Variants in VPS45 observed in about 807,000 individuals in gnomAD.
VPS45 encodes the protein vacuolar protein sorting 45 homolog.
A neutral mutation model predicts 75.9 loss-of-function variants in VPS45; 35 were observed. The observed-to-expected ratio is 0.46, with a 90% CI of 0.35 to 0.61. VPS45 has a LOEUF of 0.61. Among genes scored for constraint, VPS45 ranks in the 20% least tolerant of loss-of-function variants. VPS45 has a pLI of 0.00. For synonymous variants in VPS45, 220 were observed against 238.2 expected (o/e 0.92, Z 0.70); for missense variants, 559 against 685.9 (o/e 0.81, Z 2.07).
At chr1:150,107,339 C>T (rs1657386411) in intron 13 of VPS45, among the ~76,000 whole-genome samples, 1 of 152,186 alleles carries the variant, frequency 6.6e-6, no homozygotes, top group African/African-American at 2.4e-5. Context: ...TAAACCACTA[C>T]ACCTAGTTAC....
intron 13 of VPS45, among the ~76,000 whole-genome samples, chr1:150,095,958 T>C (rs1453436219): frequency 6.6e-6 from 1 of 152,140 alleles, no homozygotes; most frequent in East Asian, 1.9e-4. Context: ...GCAGAGAGAC[T>C]ACTGAGGAGA....
chr1:150,076,210 C>T (rs782161642), intron 3 of VPS45, 23 bp from the exon 4 acceptor site: 3 of 1,586,718 alleles, frequency 1.9e-6, no homozygotes, highest in Admixed American at 1.7e-5. Flanking sequence ...TCCTTTGAGT[C>T]AACCCCAACT....
chr1:150,077,353 G>A (rs374975804), intron 6 of VPS45, 122 bp downstream of exon 6: 43 of 1,239,416 alleles, frequency 3.5e-5, no homozygotes, highest in Middle Eastern at 3.9e-4. Flanking sequence ...AGGTTTCCGC[G>A]AAAAGAGGTA....
chr1:150,104,660 C>T (rs1247648402), intron 13 of VPS45, among the ~76,000 whole-genome samples: 3 of 152,108 alleles, frequency 2.0e-5, no homozygotes, highest in African/African-American at 7.2e-5. Context: ...CTGCAGCCTT[C>T]CCAGGCTCAA....
Position 150,076,315 on chromosome 1 carries a change from A to G in VPS45, c.369+3A>G. On this transcript the variant is annotated splice_donor_region_variant and intron_variant, in intron 4 of 14. Transcript: ENST00000644510. ...AGGAAGTTGTGGCTGAGGTTCAGGTAAACATATTGGTCCTGTAACACATCT... is the reference window on the plus strand; with the variant it reads ...AGGAAGTTGTGGCTGAGGTTCAGGTGAACATATTGGTCCTGTAACACATCT... The G allele has an allele frequency of 1.2e-6, 2 of 1,602,614 alleles. No individual in the cohort carries two copies. Among genetic ancestry groups the G allele is most frequent in the Non-Finnish European group, 1.7e-6 (2 of 1,173,232 alleles).
chr1:150,070,636 C>A (rs1398601844), intron 2 of VPS45, among the ~76,000 whole-genome samples: 47 of 141,208 alleles, frequency 3.3e-4, no homozygotes, highest in Non-Finnish European at 4.1e-4. Context: ...ACTAAAAATA[C>A]AAAAAAAAAA....
chr1:150,130,168 A>G (rs1022942297), intron 14 of VPS45, among the ~76,000 whole-genome samples: 2 of 145,836 alleles, frequency 1.4e-5, no homozygotes, highest in East Asian at 2.0e-4. Flanking sequence ...CCCAGCACAC[A>G]TATATATCTA....
At chr1:150,103,524 G>A (rs782212338) in intron 13 of VPS45, among the ~76,000 whole-genome samples, 1 of 152,104 alleles carries the variant, frequency 6.6e-6, no homozygotes, top group Non-Finnish European at 1.5e-5. Context: ...CTGTATCTAG[G>A]TTTTGTCCTT....
rs782807479 is a variant in VPS45, at chr1:150,067,851, C to T, written c.-7C>T. On this transcript the variant is annotated 5_prime_UTR_variant, in exon 1 of 15. Transcript: ENST00000644510. ...AAGGGCTGTAGGGTACTTGTCAATT[C>T]GCCGCCATGAACGTGGTTTTTGCTG... 7 of 1,613,798 alleles carry T rather than the reference C, an allele frequency of 4.3e-6. No individual in the cohort carries two copies. The highest frequency in any genetic ancestry group is 5.9e-6 in the Non-Finnish European group (7 of 1,179,844).
In VPS45 at chr1:150,145,209, T is replaced by C. The variant is rs182444648; in HGVS notation, c.*413T>C. On this transcript the variant is annotated 3_prime_UTR_variant, in exon 15 of 15. Coordinates refer to ENST00000644510, the MANE Select transcript of VPS45 (RefSeq NM_007259.5). ...ACCACATTCCTGCACAACTCATTTCTGAAAACCTACCATGTTTCTTTACAG... is the reference window on the plus strand; with the variant it reads ...ACCACATTCCTGCACAACTCATTTCCGAAAACCTACCATGTTTCTTTACAG... 5.2e-5 allele frequency: 14 copies of C among 267,578 alleles called. No individual in the cohort carries two copies. The highest frequency in any genetic ancestry group is 3.0e-4 in the Admixed American group (6 of 20,144). The allele number at this position is 267,578 out of a possible 1,614,324, so 16.6% of individuals were successfully genotyped here. A position where few individuals can be genotyped will look rare whatever the true frequency, so the allele number is the denominator to read the frequency against.
At chr1:150,078,327 A>C (rs1553798590) in intron 7 of VPS45, among the ~76,000 whole-genome samples, 1 of 152,148 alleles carries the variant, frequency 6.6e-6, no homozygotes, top group Admixed American at 6.5e-5. Context: ...CCTCTTATAA[A>C]ACCTAGAGTT....
At chr1:150,105,063 A>G (rs1324887941) in intron 13 of VPS45, among the ~76,000 whole-genome samples, 2 of 152,236 alleles carry the variant, frequency 1.3e-5, no homozygotes, top group Non-Finnish European at 2.9e-5. Context: ...CCAACAGTAT[A>G]TGAGCATTCC....
At chr1:150,076,120 AC>A in intron 3 of VPS45, 112 bp from the exon 4 acceptor site, 1 of 433,834 alleles carries the variant, frequency 2.3e-6, no homozygotes, top group Non-Finnish European at 4.0e-6. Flanking sequence ...TATTTTTGCT[AC>A]CCATTCCAAT....
At chr1:150,127,922 G>A (rs1553811149) in intron 14 of VPS45, among the ~76,000 whole-genome samples, 1 of 151,978 alleles carries the variant, frequency 6.6e-6, no homozygotes, top group East Asian at 1.9e-4. Context: ...CAGAACTGAG[G>A]GATCATTTAC....
chr1:150,083,496 A>G (rs1655837116), intron 10 of VPS45, among the ~76,000 whole-genome samples: 1 of 151,938 alleles, frequency 6.6e-6, no homozygotes, highest in South Asian at 2.1e-4. Context: ...TATTAGAGGT[A>G]TTTACAAAGG....
At chr1:150,097,222 A>G (rs1441913929) in intron 13 of VPS45, among the ~76,000 whole-genome samples, 1 of 150,772 alleles carries the variant, frequency 6.6e-6, no homozygotes, top group Admixed American at 6.6e-5. Flanking sequence ...AGTAGCTGGG[A>G]TTACAGGTGC....
At chr1:150,111,559 A>G (rs587750361) in intron 14 of VPS45, among the ~76,000 whole-genome samples, 131 of 152,308 alleles carry the variant, frequency 8.6e-4, no homozygotes, top group South Asian at 2.5e-3. Flanking sequence ...AAGGTAGAAG[A>G]GGAAAAGACT....
At chr1:150,081,051 T>A (rs1159033938) in intron 7 of VPS45, among the ~76,000 whole-genome samples, 4 of 152,152 alleles carry the variant, frequency 2.6e-5, no homozygotes, top group African/African-American at 9.7e-5. Context: ...AGGCAAAAAA[T>A]TGGAGCTAAT....
At chr1:150,132,938 C>G (rs797029231) in intron 14 of VPS45, among the ~76,000 whole-genome samples, 5 of 152,272 alleles carry the variant, frequency 3.3e-5, no homozygotes, top group African/African-American at 1.2e-4. Flanking sequence ...ATGGATGTTA[C>G]CTGCTGTTGC....
Sources: allele counts gnomAD v4.1 joint callset (sites outside exome capture counted in the v4.1 genomes callset), GRCh38; gene constraint gnomAD v4.1.1; transcripts MANE v1.5; gene names NCBI Gene and HGNC (gene_info 2026-07-23, HGNC 2026-07-21).